The following FBXO21 variants were observed in gnomAD, a reference collection of about 807,000 sequenced individuals.
The protein encoded by FBXO21 is F-box protein 21.
FBXO21 carries 32 observed loss-of-function variants against 76.6 expected under a neutral mutation model. That is an observed-to-expected ratio of 0.42 (90% CI 0.32 to 0.56). The LOEUF is 0.56. Among genes scored for constraint, FBXO21 ranks in the 20% least tolerant of loss-of-function variants. The probability of loss-of-function intolerance (pLI) is 0.16; values close to 1 mark genes in which losing one functional copy is unlikely to be tolerated. For synonymous variants in FBXO21, 328 were observed against 311.5 expected (o/e 1.05, Z -0.56); for missense variants, 586 against 797.3 (o/e 0.73, Z 3.19).
chr12:117,188,795 T>A, intron 2 of FBXO21: 1 of 182,762 alleles, frequency 5.5e-6, no homozygotes, highest in Non-Finnish European at 1.2e-5. Context: ...GGGTAGAACC[T>A]GCAAAGCCAG....
chr12:117,182,140 C>T (rs1407382663), intron 3 of FBXO21, among the ~76,000 whole-genome samples: 1 of 152,184 alleles, frequency 6.6e-6, no homozygotes, highest in East Asian at 1.9e-4. Flanking sequence ...TGAAAACAAA[C>T]AGGGTCTTCC....
intron 11 of FBXO21, among the ~76,000 whole-genome samples, chr12:117,150,529 A>G (rs1468412018): frequency 6.6e-6 from 1 of 152,226 alleles, no homozygotes; most frequent in Admixed American, 6.5e-5. Flanking sequence ...GTGTACTTAA[A>G]CAAAACGTAT....
intron 10 of FBXO21, among the ~76,000 whole-genome samples, chr12:117,157,638 TAGA>T (rs536724073): frequency 1.9e-5 from 2 of 103,410 alleles, no homozygotes; most frequent in Admixed American, 3.0e-4. Context: ...CTAAAAACAC[TAGA>T]AGATCTCTCA....
rs563696383 is a variant in FBXO21, at chr12:117,173,781, G to A, written c.876+424C>T. On this transcript the variant is annotated intron_variant, in intron 6 of 11. Transcript: ENST00000622495. ...AGCAGAAGGAAAAATAAGTTTCATC[G>A]AGCACTCAGAGATGGAAGGCATAGT... Among the ~76,000 whole-genome samples the A allele has an allele frequency of 9.9e-5, 15 of 152,202 alleles. No homozygotes were observed. In the South Asian group the frequency reaches 1.0e-3, roughly 11 times the overall value.
intron 11 of FBXO21, 100 bp from the exon 12 acceptor site, chr12:117,146,377 T>C (rs1235828923): frequency 2.0e-6 from 2 of 1,006,116 alleles, no homozygotes; most frequent in African/African-American, 3.2e-5. Flanking sequence ...GGTGGCATTT[T>C]TGGGGTGGAG....
chr12:117,153,943 G>A (rs1955879660), intron 11 of FBXO21, among the ~76,000 whole-genome samples: 1 of 152,172 alleles, frequency 6.6e-6, no homozygotes, highest in African/African-American at 2.4e-5. Flanking sequence ...AACTTCTGAA[G>A]TGAACATATC....
rs1395524744 is a variant in FBXO21 at position 117,142,225 on chromosome 12, A to G, written c.*3862T>C. The G allele has an allele frequency of 6.6e-6, 1 of 152,224 alleles. No homozygotes were observed. The highest frequency in any genetic ancestry group is 1.5e-5 in the Non-Finnish European group (1 of 68,040). The allele number at this position is 152,224 out of a possible 1,614,324, so 9.4% of individuals were successfully genotyped here. A position where few individuals can be genotyped will look rare whatever the true frequency, so the allele number is the denominator to read the frequency against. ...TGCGCCGCAGAGTGTGGGTGTGAAC[A>G]GCTGGAGCTCAGTGGTTCCTGGAGA... On this transcript the variant is annotated 3_prime_UTR_variant, in exon 12 of 12. Coordinates refer to ENST00000622495, the MANE Select transcript of FBXO21 (RefSeq NM_015002.3).
At chr12:117,158,153 C>T in intron 9 of FBXO21, 90 bp from the exon 10 acceptor site, 2 of 1,476,498 alleles carry the variant, frequency 1.4e-6, no homozygotes, top group Non-Finnish European at 1.9e-6. Context: ...ACCTACGTAA[C>T]CTAACAAAGC....
intron 9 of FBXO21, 28 bp from the exon 10 acceptor site, chr12:117,158,091 GATA>G (rs1230889629): frequency 6.2e-7 from 1 of 1,613,086 alleles, no homozygotes; most frequent in African/African-American, 1.3e-5. Context: ...AAGACTAAAA[GATA>G]ATATTTTCAG....
In FBXO21 at chr12:117,186,506, T is replaced by C. The variant is rs576781247; in HGVS notation, c.441A>G (p.Glu147=). ...CTTCCATATTTAGGATACACACCAG[T>C]TCATCCTCAAAAAAAATCTCTGGTC... is the stretch of plus-strand genomic sequence containing the variant. ...LEGPEIFFED[E]LVCILNMEGR... Residue 147 remains glutamate, a synonymous_variant, in exon 3 of 12, where the codon GAA becomes GAG. Coordinates refer to ENST00000622495, the MANE Select transcript of FBXO21 (RefSeq NM_015002.3). 2 of 1,612,902 alleles carry C rather than the reference T, an allele frequency of 1.2e-6. 1 individual carries two copies. The highest frequency in any genetic ancestry group is 3.3e-5 in the Admixed American group (2 of 59,870).
intron 11 of FBXO21, among the ~76,000 whole-genome samples, chr12:117,147,301 A>G (rs545636885): frequency 2.9e-4 from 34 of 116,968 alleles, no homozygotes; most frequent in Non-Finnish European, 3.7e-4. Context: ...AAAAAAAAAA[A>G]AAAAAAGAAA....
intron 1 of FBXO21, 48 bp downstream of exon 1, chr12:117,190,170 G>A (rs1373484896): frequency 9.1e-6 from 10 of 1,093,600 alleles, no homozygotes; most frequent in South Asian, 4.3e-5. Context: ...GGCCCCGGGG[G>A]GCGCGGGGCG....
intron 3 of FBXO21, among the ~76,000 whole-genome samples, chr12:117,180,059 C>T (rs1038995756): frequency 1.3e-5 from 2 of 152,150 alleles, no homozygotes; most frequent in African/African-American, 4.8e-5. Flanking sequence ...CATCTTTGGC[C>T]ACTGGAAGCC....
Position 117,142,055 on chromosome 12 carries a change from A to G in FBXO21, c.*4032T>C, listed in dbSNP as rs1375807403. 5 of 152,262 alleles carry G rather than the reference A, an allele frequency of 3.3e-5. No individual in the cohort carries two copies. The highest frequency in any genetic ancestry group is 2.6e-4 in the Admixed American group (4 of 15,292). 9.4% of individuals were successfully genotyped at this position (152,262 alleles called of 1,614,324 possible). The stretch of plus-strand genomic sequence containing the variant: ...CTAATACAGTCATTGCTACGTGGCC[A>G]TAATACATGTATTCTATAATTGCGC... On this transcript the variant is annotated 3_prime_UTR_variant, in exon 12 of 12. Coordinates refer to ENST00000622495, the MANE Select transcript of FBXO21 (RefSeq NM_015002.3).
intron 9 of FBXO21, among the ~76,000 whole-genome samples, chr12:117,162,825 C>G (rs905678426): frequency 2.0e-5 from 3 of 152,228 alleles, no homozygotes; most frequent in African/African-American, 7.2e-5. Flanking sequence ...AGGCTGACAT[C>G]TGCAGGCGCC....
chr12:117,190,453 C>A lies in FBXO21; in HGVS notation c.4G>T (p.Ala2Ser). The change falls in exon 1 of 12, where the codon GCG (alanine) becomes TCG (serine). Residue 2 changes from alanine to serine, a missense_variant. Ala to Ser is a moderately conservative substitution (Grantham distance 99). Around this residue, in one of 6 missense-constraint regions of FBXO21, gnomAD observed 152 missense variants for 127.2 expected, o/e 1.19. Transcript: ENST00000622495. M[A>S]AAAVDSAMEV... ...ATCGCGCTGTCGACTGCTGCCGCCG[C>A]CATCTTGTCCGCGTACCTGGGGCCG... The A allele has an allele frequency of 7.5e-7, 1 of 1,335,974 alleles. No individual in the cohort carries two copies. The highest frequency in any genetic ancestry group is 1.0e-6 in the Non-Finnish European group (1 of 999,068). The allele number at this position is 1,335,974 out of a possible 1,614,324, so 82.8% of individuals were successfully genotyped here.
chr12:117,182,174 T>C (rs1956240739), intron 3 of FBXO21, among the ~76,000 whole-genome samples: 1 of 152,222 alleles, frequency 6.6e-6, no homozygotes, highest in Non-Finnish European at 1.5e-5. Context: ...TCCCAAAATA[T>C]TTTTAAATGC....
chr12:117,152,432 C>T (rs1015748578), intron 11 of FBXO21, among the ~76,000 whole-genome samples: 15 of 150,610 alleles, frequency 1.0e-4, no homozygotes, highest in African/African-American at 3.4e-4. Flanking sequence ...TACCACTGCA[C>T]TCCAGCCTGG....
intron 1 of FBXO21, among the ~76,000 whole-genome samples, chr12:117,189,618 T>C (rs897957266): frequency 6.6e-6 from 1 of 152,108 alleles, no homozygotes; most frequent in African/African-American, 2.4e-5. Flanking sequence ...ATAATAATAA[T>C]GACAATGACA....
Sources: gnomAD v4.1 joint callset for allele counts (sites outside exome capture counted in the v4.1 genomes callset) on GRCh38, gnomAD v4.1.1 for gene constraint, gnomAD v4.1.1 regional missense constraint, MANE v1.5 for transcripts, NCBI Gene and HGNC (gene_info 2026-07-23, HGNC 2026-07-21) for gene names.